Variants in SHISA6 observed in about 807,000 individuals in gnomAD.
The protein encoded by SHISA6 is shisa family member 6.
A neutral mutation model predicts 47.9 loss-of-function variants in SHISA6; 22 were observed. The observed-to-expected ratio is 0.46, with a 90% CI of 0.33 to 0.66. The LOEUF (loss-of-function observed/expected upper bound fraction) is 0.66. Among genes scored for constraint, SHISA6 ranks in the 30% least tolerant of loss-of-function variants. The pLI is 0.02. For missense variants in SHISA6, 680 were observed against 764.6 expected, an observed-to-expected ratio of 0.89 and a Z score of 1.30; for synonymous variants, 388 against 337.8, an observed-to-expected ratio of 1.15 and a Z score of -1.63.
chr17:11,328,152 C>G (rs1910972563), intron 2 of SHISA6, among the ~76,000 whole-genome samples: 1 of 152,092 alleles, frequency 6.6e-6, no homozygotes, highest in African/African-American at 2.4e-5. Context: ...GTCAAGGCAA[C>G]AAATGAACTA....
In SHISA6 at chr17:11,546,867, GC is replaced by G. The variant is rs201213074; in HGVS notation, c.896-5027del. On this transcript the variant is annotated intron_variant, in intron 3 of 5. Coordinates refer to ENST00000441885, the MANE Select transcript of SHISA6 (RefSeq NM_207386.4). The stretch of plus-strand genomic sequence containing the variant: ...ACCCAGGAGGCAGAGGTTGCAGTGA[GC>G]CAAGATTGCGCCACGGCGCCACTGT... Among the ~76,000 whole-genome samples, 1,516 of 152,046 alleles carry G rather than the reference GC, an allele frequency of 1.0e-2. 38 individuals carry two copies. The highest frequency in any genetic ancestry group is 0.034 in the African/African-American group (1,414 of 41,444).
chr17:11,451,462 G>A (rs185797773), intron 3 of SHISA6, among the ~76,000 whole-genome samples: 1 of 152,210 alleles, frequency 6.6e-6, no homozygotes, highest in Non-Finnish European at 1.5e-5. Context: ...TTTAGTTGGG[G>A]GCGACAGAAA....
intron 3 of SHISA6, among the ~76,000 whole-genome samples, chr17:11,395,909 G>A (rs752743733): frequency 6.6e-6 from 1 of 152,132 alleles, no homozygotes; most frequent in Non-Finnish European, 1.5e-5. Flanking sequence ...GAAGATAAAG[G>A]GCATCTTTGC....
chr17:11,395,833 C>CATGT (rs1191450036), intron 3 of SHISA6, among the ~76,000 whole-genome samples: 3 of 152,100 alleles, frequency 2.0e-5, no homozygotes, highest in African/African-American at 7.2e-5. Flanking sequence ...TACTTCTTTA[C>CATGT]AGTTATGCTT....
chr17:11,348,901 A>G (rs1456864861), intron 2 of SHISA6, among the ~76,000 whole-genome samples: 1 of 152,250 alleles, frequency 6.6e-6, no homozygotes, highest in African/African-American at 2.4e-5. Flanking sequence ...AGAAACAAGT[A>G]TCAGAACAGA....
intron 3 of SHISA6, among the ~76,000 whole-genome samples, chr17:11,388,561 C>T (rs1913267473): frequency 6.6e-6 from 1 of 151,712 alleles, no homozygotes; most frequent in Admixed American, 6.6e-5. Flanking sequence ...TTGGTGTGCT[C>T]AGCTTTATTC....
chr17:11,513,878 TA>T, intron 3 of SHISA6, among the ~76,000 whole-genome samples: 1 of 152,300 alleles, frequency 6.6e-6, no homozygotes, highest in South Asian at 2.1e-4. Flanking sequence ...ATGAGAATTA[TA>T]ACTGTCAGGC....
At chr17:11,383,218 A>G (rs1031147541) in intron 3 of SHISA6, among the ~76,000 whole-genome samples, 1 of 152,274 alleles carries the variant, frequency 6.6e-6, no homozygotes, top group South Asian at 2.1e-4. Context: ...GATTACAGGC[A>G]TGAGCCACCA....
At chr17:11,307,153 C>G (rs200127723) in intron 2 of SHISA6, among the ~76,000 whole-genome samples, 8 of 124,544 alleles carry the variant, frequency 6.4e-5, no homozygotes, top group African/African-American at 2.3e-4. Flanking sequence ...CTTTTTTTTT[C>G]TTTTTTTCTT....
chr17:11,315,425 C>CT (rs1180870906), intron 2 of SHISA6, among the ~76,000 whole-genome samples: 5 of 151,808 alleles, frequency 3.3e-5, no homozygotes, highest in African/African-American at 1.2e-4. Context: ...TATTTCTCTT[C>CT]TTTTTTTTCT....
At chr17:11,275,612 G>A (rs1458565746) in intron 2 of SHISA6, among the ~76,000 whole-genome samples, 1 of 152,170 alleles carries the variant, frequency 6.6e-6, no homozygotes, top group Non-Finnish European at 1.5e-5. Flanking sequence ...AAGAGAGCAG[G>A]AAAAGAAAGT....
chr17:11,497,276 G>T (rs1216252966), intron 3 of SHISA6, among the ~76,000 whole-genome samples: 1 of 152,176 alleles, frequency 6.6e-6, no homozygotes, highest in East Asian at 1.9e-4. Context: ...TGGTGTCTCC[G>T]CTATCATTTT....
At chr17:11,242,707 C>CT (rs1470343108) in intron 1 of SHISA6, among the ~76,000 whole-genome samples, 1 of 152,186 alleles carries the variant, frequency 6.6e-6, no homozygotes. Flanking sequence ...AGGCAGAACT[C>CT]TGAGTTAACA....
At chr17:11,277,270 TCTCTCTCTCTCA>T (rs1439399795) in intron 2 of SHISA6, among the ~76,000 whole-genome samples, 6,645 of 113,238 alleles carry the variant, frequency 0.059, 128 homozygotes, top group Non-Finnish European at 0.084. Flanking sequence ...TCTCTCTCTC[TCTCTCTCTCTCA>T]CACACACACA....
chr17:11,371,174 T>G (rs1440728035), intron 2 of SHISA6, among the ~76,000 whole-genome samples: 1 of 152,222 alleles, frequency 6.6e-6, no homozygotes, highest in Non-Finnish European at 1.5e-5. Flanking sequence ...TGCCCCAGTT[T>G]ACCTCGGTAA....
intron 1 of SHISA6, among the ~76,000 whole-genome samples, chr17:11,248,259 A>G (rs1185338309): frequency 6.6e-6 from 1 of 152,196 alleles, no homozygotes; most frequent in Non-Finnish European, 1.5e-5. Flanking sequence ...AGAACTTCTG[A>G]AAAAGCAGGG....
chr17:11,412,668 A>T (rs1445584630), intron 3 of SHISA6, among the ~76,000 whole-genome samples: 1 of 151,946 alleles, frequency 6.6e-6, no homozygotes, highest in Non-Finnish European at 1.5e-5. Context: ...CAGCCTCCCA[A>T]GTAGCTGGGA....
chr17:11,524,668 T>G (rs1226026970), intron 3 of SHISA6, among the ~76,000 whole-genome samples: 1 of 152,102 alleles, frequency 6.6e-6, no homozygotes, highest in Admixed American at 6.5e-5. Context: ...AGCTAATTTT[T>G]TTGTATTTTT....
intron 2 of SHISA6, among the ~76,000 whole-genome samples, chr17:11,333,902 G>A (rs1254498843): frequency 2.0e-5 from 3 of 152,148 alleles, no homozygotes; most frequent in East Asian, 1.9e-4. Flanking sequence ...ATGTGGAGGC[G>A]CTGTGAGGAT....
Sources: allele counts gnomAD v4.1 joint callset (sites outside exome capture counted in the v4.1 genomes callset), GRCh38; gene constraint gnomAD v4.1.1; transcripts MANE v1.5; gene names NCBI Gene and HGNC (gene_info 2026-07-23, HGNC 2026-07-21).